The following UBE4B variants were observed in gnomAD, a reference collection of about 807,000 sequenced individuals.
UBE4B encodes ubiquitination factor E4B, also known as ubiquitin conjugation factor E4 B.
UBE4B carries 27 observed loss-of-function variants against 148.1 expected under a neutral mutation model. That is an observed-to-expected ratio of 0.18 (90% CI 0.13 to 0.25). The LOEUF (loss-of-function observed/expected upper bound fraction) is 0.25. UBE4B is among the 10% of genes least tolerant of loss of function. The pLI is 1.00. For missense variants in UBE4B, 1,170 were observed against 1,662.4 expected, an observed-to-expected ratio of 0.70 and a Z score of 5.15; for synonymous variants, 596 against 619.3, an observed-to-expected ratio of 0.96 and a Z score of 0.56.
At chr1:10,114,322 G>T (rs2101909396) in intron 7 of UBE4B, among the ~76,000 whole-genome samples, 1 of 152,298 alleles carries the variant, frequency 6.6e-6, no homozygotes, top group Middle Eastern at 3.4e-3. Context: ...ATGAATGTTA[G>T]CAGCAGAGGA....
At chr1:10,158,300 G>C in intron 21 of UBE4B, 56 bp from the exon 22 acceptor site, 1 of 1,586,930 alleles carries the variant, frequency 6.3e-7, no homozygotes, top group Non-Finnish European at 8.6e-7. Context: ...GGCAATAACT[G>C]GATTTGGAAA....
At chr1:10,164,507 G>T (rs1158818015) in intron 23 of UBE4B, among the ~76,000 whole-genome samples, 1 of 152,190 alleles carries the variant, frequency 6.6e-6, no homozygotes, top group African/African-American at 2.4e-5. Context: ...GAGCCACCAT[G>T]GCTGGCCAGC....
chr1:10,095,873 G>A (rs934341734), intron 3 of UBE4B, among the ~76,000 whole-genome samples: 1 of 152,218 alleles, frequency 6.6e-6, no homozygotes, highest in African/African-American at 2.4e-5. Flanking sequence ...CCAGGTTCAA[G>A]TGATTCTCCT....
chr1:10,105,086 C>A (rs1257367689), intron 5 of UBE4B, among the ~76,000 whole-genome samples: 1 of 152,146 alleles, frequency 6.6e-6, no homozygotes, highest in Non-Finnish European at 1.5e-5. Flanking sequence ...TAAAACATAT[C>A]TAGACTAAGA....
chr1:10,067,039 T>C (rs1210453829), intron 1 of UBE4B, among the ~76,000 whole-genome samples: 1 of 152,222 alleles, frequency 6.6e-6, no homozygotes, highest in Non-Finnish European at 1.5e-5. Flanking sequence ...AAGACACTTT[T>C]GTAGAATGAC....
chr1:10,172,197 G>A (rs1182402133), intron 25 of UBE4B, among the ~76,000 whole-genome samples: 1 of 152,154 alleles, frequency 6.6e-6, no homozygotes, highest in Non-Finnish European at 1.5e-5. Flanking sequence ...CACAGCCACC[G>A]ATTTAGGCTA....
intron 2 of UBE4B, among the ~76,000 whole-genome samples, chr1:10,073,870 C>G (rs1394872459): frequency 6.6e-6 from 1 of 151,762 alleles, no homozygotes; most frequent in African/African-American, 2.4e-5. Context: ...ACCTCATTCT[C>G]CATGCTCACT....
intron 1 of UBE4B, among the ~76,000 whole-genome samples, chr1:10,035,179 A>T (rs192607494): frequency 0.013 from 1,973 of 146,750 alleles, 38 homozygotes; most frequent in African/African-American, 0.047. Context: ...TTGTATTTTT[A>T]GTAGAGATGG....
At chr1:10,137,322 G>C in intron 17 of UBE4B, 117 bp downstream of exon 17, 1 of 1,340,374 alleles carries the variant, frequency 7.5e-7, no homozygotes, top group South Asian at 1.3e-5. Flanking sequence ...ACGTTATATA[G>C]TGTTCTGTCT....
chr1:10,046,209 C>G (rs1643909549), intron 1 of UBE4B, among the ~76,000 whole-genome samples: 1 of 152,228 alleles, frequency 6.6e-6, no homozygotes, highest in African/African-American at 2.4e-5. Context: ...GCCACAGCTA[C>G]TTGCTGGGAA....
intron 1 of UBE4B, among the ~76,000 whole-genome samples, chr1:10,048,296 A>G (rs1342996764): frequency 2.0e-5 from 3 of 152,202 alleles, no homozygotes; most frequent in Admixed American, 2.0e-4. Flanking sequence ...ATCTGGTTTG[A>G]ACATATTATG....
chr1:10,135,028 A>G lies in UBE4B; in HGVS notation c.2066A>G (p.Asn689Ser). The G allele has an allele frequency of 6.2e-7, 1 of 1,614,208 alleles. No individual in the cohort carries two copies. The highest frequency in any genetic ancestry group is 8.5e-7 in the Non-Finnish European group (1 of 1,180,042). Residue 689 changes from asparagine (N) to serine (S), a missense_variant, in exon 16 of 28, where the codon AAT (asparagine) becomes AGT (serine). By Grantham distance (46) the Asn-to-Ser change is conservative (BLOSUM62 1). Around this residue, in one of 6 missense-constraint regions of UBE4B, gnomAD observed 388 missense variants for 536.0 expected, o/e 0.72. Coordinates refer to ENST00000343090, the MANE Select transcript of UBE4B (RefSeq NM_001105562.3). ...RLVSTDGFML[N>S]FLWVLQQLST... ...GTGTCTACAGATGGATTTATGCTGA[A>G]TTTCCTTTGGGTACTGCAGCAGCTA... is the stretch of plus-strand genomic sequence containing the variant.
intron 10 of UBE4B, among the ~76,000 whole-genome samples, 163 bp downstream of exon 10, chr1:10,122,239 A>G (rs1645423027): frequency 6.6e-6 from 1 of 152,180 alleles, no homozygotes; most frequent in Non-Finnish European, 1.5e-5. Context: ...TGACAGCTGC[A>G]TTGTTCAAAT....
chr1:10,050,491 G>C (rs907662652), intron 1 of UBE4B, among the ~76,000 whole-genome samples: 2 of 152,144 alleles, frequency 1.3e-5, no homozygotes, highest in Non-Finnish European at 2.9e-5. Context: ...TTGGAGGAAC[G>C]GGAAAGGGGT....
At chr1:10,103,777 G>A (rs1258080696) in intron 5 of UBE4B, among the ~76,000 whole-genome samples, 4 of 151,952 alleles carry the variant, frequency 2.6e-5, no homozygotes, top group African/African-American at 9.6e-5. Flanking sequence ...ACAGGCATGC[G>A]CCACCACACC....
At chr1:10,063,992 G>A (rs1015975747) in intron 1 of UBE4B, among the ~76,000 whole-genome samples, 16 of 151,656 alleles carry the variant, frequency 1.1e-4, no homozygotes, top group Non-Finnish European at 1.6e-4. Context: ...TTGCCTTCAC[G>A]AACAAGTTCA....
chr1:10,138,473 A>G (rs1015491322), intron 17 of UBE4B, among the ~76,000 whole-genome samples: 1 of 152,068 alleles, frequency 6.6e-6, no homozygotes, highest in African/African-American at 2.4e-5. Context: ...ACCTCAGGCG[A>G]TCCGACTGCC....
chr1:10,043,512 C>T (rs749352827), intron 1 of UBE4B, among the ~76,000 whole-genome samples: 5 of 150,072 alleles, frequency 3.3e-5, no homozygotes, highest in Admixed American at 6.7e-5. Context: ...CTGCAAGCTC[C>T]GCCACCTGGG....
intron 24 of UBE4B, among the ~76,000 whole-genome samples, chr1:10,170,663 A>T (rs1557615303): frequency 6.6e-6 from 1 of 152,344 alleles, no homozygotes; most frequent in East Asian, 1.9e-4. Context: ...TGTTATTTGT[A>T]TCTGATAAGT....
Sources: allele counts gnomAD v4.1 joint callset (sites outside exome capture counted in the v4.1 genomes callset), GRCh38; gene constraint gnomAD v4.1.1; regional missense constraint gnomAD v4.1.1; transcripts MANE v1.5; gene names NCBI Gene and HGNC (gene_info 2026-07-23, HGNC 2026-07-21).